Variants in SLC15A2 observed in about 807,000 individuals in gnomAD.
SLC15A2 encodes solute carrier family 15 member 2.
Under a neutral mutation model 95.5 loss-of-function variants are expected in SLC15A2, and 77 were observed. That is an observed-to-expected ratio of 0.81 (90% CI 0.67 to 0.97). The LOEUF (loss-of-function observed/expected upper bound fraction) is 0.97, where lower values mean the gene tolerates loss of function less well. Ranked by LOEUF, SLC15A2 falls within the 50% of genes least tolerant of loss-of-function variation. The pLI is 0.00. For synonymous variants in SLC15A2, 306 were observed against 306.9 expected, an observed-to-expected ratio of 1.00 and a Z score of 0.03; for missense variants, 893 against 874.4, an observed-to-expected ratio of 1.02 and a Z score of -0.27.
chr3:121,922,923 A>G (rs1051366866), intron 9 of SLC15A2, 62 bp downstream of exon 9: 2 of 1,556,754 alleles, frequency 1.3e-6, no homozygotes, highest in African/African-American at 2.7e-5. Flanking sequence ...GTTCAAAATG[A>G]TTCTATCCTA....
chr3:121,926,811 C>T (rs1710131525), intron 13 of SLC15A2, among the ~76,000 whole-genome samples: 1 of 152,250 alleles, frequency 6.6e-6, no homozygotes, highest in Non-Finnish European at 1.5e-5. Flanking sequence ...AGAGCAGCCA[C>T]AGGGGCTGAA....
chr3:121,939,397 A>T lies in SLC15A2; in HGVS notation c.1810A>T (p.Asn604Tyr), dbSNP rs1710416057. ...QAWKIEDIPA[N>Y]KMSIAWQLPQ... Reference sequence around the variant, plus strand: ...CTGGAAGATTGAAGACATTCCAGCCAACAAAATGTCCATTGCGTGGCAGCT... The same window carrying T: ...CTGGAAGATTGAAGACATTCCAGCCTACAAAATGTCCATTGCGTGGCAGCT... The change falls in exon 20 of 22, where the codon AAC becomes TAC. Residue 604 changes from asparagine (N) to tyrosine (Y), a missense_variant. Asn to Tyr is a moderately radical substitution (Grantham distance 143). Coordinates refer to ENST00000489711, the MANE Select transcript of SLC15A2 (RefSeq NM_021082.4). 1 of 1,581,576 alleles carries T rather than the reference A, an allele frequency of 6.3e-7. No individual in the cohort carries two copies. Among genetic ancestry groups the T allele is most frequent in the Non-Finnish European group, 8.6e-7 (1 of 1,164,642 alleles).
chr3:121,901,024 AT>A (rs2107569490), intron 3 of SLC15A2, among the ~76,000 whole-genome samples: 1 of 150,378 alleles, frequency 6.6e-6, no homozygotes, highest in South Asian at 2.1e-4. Flanking sequence ...TAATATACAT[AT>A]TTTTTGTCGT....
At chr3:121,929,659 A>G (rs1710194087) in intron 17 of SLC15A2, among the ~76,000 whole-genome samples, 1 of 152,162 alleles carries the variant, frequency 6.6e-6, no homozygotes. Flanking sequence ...TGATCGCCAG[A>G]GAGAAATTTG....
At chr3:121,898,950 G>T (rs1168597256) in intron 3 of SLC15A2, among the ~76,000 whole-genome samples, 3 of 151,184 alleles carry the variant, frequency 2.0e-5, no homozygotes, top group African/African-American at 7.3e-5. Flanking sequence ...GAGGAATGGT[G>T]GGTGAGTAGC....
At chr3:121,940,328 G>A (rs989625975) in intron 20 of SLC15A2, 56 bp from the exon 21 acceptor site, 3 of 1,321,038 alleles carry the variant, frequency 2.3e-6, no homozygotes, top group African/African-American at 2.9e-5. Flanking sequence ...CTGGATGCAT[G>A]GGGCATGAGG....
At position 121,928,564 on chromosome 3, in the gene SLC15A2, T is replaced by A. The variant is rs551818936; in HGVS notation, c.1341+9T>A. 7 of 1,611,710 alleles carry A rather than the reference T, an allele frequency of 4.3e-6. No homozygotes were observed. In the Admixed American group the frequency reaches 5.1e-5, roughly 12 times the overall value. ...CCATCAAATCCTTTCAGGTGAGGTGTGTACCTGAATGAATTAGAAACTCTG... is the reference window on the plus strand; with the variant it reads ...CCATCAAATCCTTTCAGGTGAGGTGAGTACCTGAATGAATTAGAAACTCTG... On this transcript the variant is annotated intron_variant, in intron 15 of 21. Transcript: ENST00000489711.
intron 1 of SLC15A2, among the ~76,000 whole-genome samples, chr3:121,895,690 C>T (rs1709402640): frequency 6.6e-6 from 1 of 152,180 alleles, no homozygotes; most frequent in Non-Finnish European, 1.5e-5. Flanking sequence ...TAAAATAAAA[C>T]ATAACATTCC....
intron 3 of SLC15A2, among the ~76,000 whole-genome samples, chr3:121,901,078 A>G (rs1576668517): frequency 1.3e-5 from 2 of 151,710 alleles, no homozygotes; most frequent in South Asian, 4.2e-4. Context: ...GAGTGCAGTG[A>G]TGCAATCTCG....
chr3:121,931,740 G>C lies in SLC15A2; in HGVS notation c.1761+5G>C. The C allele has an allele frequency of 6.5e-7, 1 of 1,545,740 alleles. No individual in the cohort carries two copies. Among genetic ancestry groups the C allele is most frequent in the Non-Finnish European group, 8.9e-7 (1 of 1,117,934 alleles). On this transcript the variant is annotated splice_donor_5th_base_variant and intron_variant, in intron 19 of 21. Transcript: ENST00000489711. ...TATCTGTTTGTTATTACTAATGTAA[G>C]TAGCTCACAGCCACCTCTTTACCCT...
At chr3:121,909,994 T>A (rs1004402873) in intron 3 of SLC15A2, among the ~76,000 whole-genome samples, 1 of 152,070 alleles carries the variant, frequency 6.6e-6, no homozygotes, top group African/African-American at 2.4e-5. Context: ...CCTTTTTTTT[T>A]CCTCTATGAT....
rs1710153531 is a variant in SLC15A2, at chr3:121,927,918, A to G, written c.1206+79A>G. On this transcript the variant is annotated intron_variant, in intron 14 of 21. Coordinates refer to ENST00000489711, the MANE Select transcript of SLC15A2 (RefSeq NM_021082.4). Reference sequence around the variant, plus strand: ...TGCTCTTTTGACTTGTTCAGTCATGATTCCCTGGGACCTAGCACAGTACCT... The same window carrying G: ...TGCTCTTTTGACTTGTTCAGTCATGGTTCCCTGGGACCTAGCACAGTACCT... 2.9e-6 allele frequency: 3 copies of G among 1,034,696 alleles called. No individual in the cohort carries two copies. In the Admixed American group the frequency reaches 5.4e-5, roughly 19 times the overall value. 64.1% of individuals were successfully genotyped at this position (1,034,696 alleles called of 1,614,324 possible).
chr3:121,940,971 C>A lies in SLC15A2; in HGVS notation c.2154C>A (p.Asn718Lys), dbSNP rs377078796. Residue 718 changes from asparagine (N) to lysine (K), a missense_variant, in exon 22 of 22, where the codon AAC becomes AAA. Transcript: ENST00000489711. ...AGCACATTCCTCACATCCAGGGGAA[C>A]ATGATCAAACTAGAGACCAAGAAGA... is the stretch of plus-strand genomic sequence containing the variant. ...ADKHIPHIQG[N>K]MIKLETKKTK... 1 of 1,614,056 alleles carries A rather than the reference C, an allele frequency of 6.2e-7. No individual in the cohort carries two copies.
chr3:121,932,874 T>C (rs1447095565), intron 19 of SLC15A2, among the ~76,000 whole-genome samples: 11 of 152,252 alleles, frequency 7.2e-5, no homozygotes, highest in Non-Finnish European at 1.5e-4. Context: ...ACTCGTCATC[T>C]AGCATTAGGT....
chr3:121,943,720 C>T lies in SLC15A2; in HGVS notation c.*2713C>T, dbSNP rs994702642. ...TTAGGCAATTTTGTCATTATGCAAA[C>T]ATCATAGAGTGTACTTACACAAACC... On this transcript the variant is annotated 3_prime_UTR_variant, in exon 22 of 22. Coordinates refer to ENST00000489711, the MANE Select transcript of SLC15A2 (RefSeq NM_021082.4). 4 of 152,190 alleles carry T rather than the reference C, an allele frequency of 2.6e-5. No homozygotes were observed. The highest frequency in any genetic ancestry group is 2.6e-4 in the Admixed American group (4 of 15,280). The allele number at this position is 152,190 out of a possible 1,614,324, so 9.4% of individuals were successfully genotyped here. A position where few individuals can be genotyped will look rare whatever the true frequency, so the allele number is the denominator to read the frequency against.
At chr3:121,904,479 C>T (rs1709589780) in intron 3 of SLC15A2, among the ~76,000 whole-genome samples, 1 of 152,166 alleles carries the variant, frequency 6.6e-6, no homozygotes, top group South Asian at 2.1e-4. Context: ...ATGATATTGG[C>T]TGTGGGTTTG....
At chr3:121,906,708 G>A (rs1709653387) in intron 3 of SLC15A2, among the ~76,000 whole-genome samples, 1 of 152,188 alleles carries the variant, frequency 6.6e-6, no homozygotes, top group Non-Finnish European at 1.5e-5. Context: ...CTGGCTTGTA[G>A]GGTTTCTGGC....
At chr3:121,911,137 C>G (rs549526592) in intron 3 of SLC15A2, among the ~76,000 whole-genome samples, 3 of 152,330 alleles carry the variant, frequency 2.0e-5, no homozygotes, top group South Asian at 4.1e-4. Context: ...TTCTTGCTCT[C>G]TACAGCAGAA....
At chr3:121,921,784 A>G (rs1373660656) in intron 7 of SLC15A2, among the ~76,000 whole-genome samples, 2 of 152,228 alleles carry the variant, frequency 1.3e-5, no homozygotes, top group Non-Finnish European at 2.9e-5. Flanking sequence ...CAAGAGTGGT[A>G]GCAGTAGTAA....
Sources: allele counts gnomAD v4.1 joint callset (sites outside exome capture counted in the v4.1 genomes callset), GRCh38; gene constraint gnomAD v4.1.1; transcripts MANE v1.5; gene names NCBI Gene and HGNC (gene_info 2026-07-23, HGNC 2026-07-21).